The following SIK3 variants were observed in gnomAD, a reference collection of about 807,000 sequenced individuals.
The protein encoded by SIK3 is serine/threonine-protein kinase SIK3.
In SIK3, 28 loss-of-function variants were observed where a neutral mutation model predicts 144.2. The observed-to-expected ratio is 0.19, with a 90% confidence interval of 0.14 to 0.27. SIK3 has a LOEUF of 0.27. Ranked by LOEUF, SIK3 falls within the 10% of genes least tolerant of loss-of-function variation. The probability of loss-of-function intolerance (pLI) is 1.00; values close to 1 mark genes in which losing one functional copy is unlikely to be tolerated. For synonymous variants in SIK3, 686 were observed against 676.3 expected (o/e 1.01, Z -0.22); for missense variants, 1,319 against 1,776.0 (o/e 0.74, Z 4.62).
chr11:117,052,844 T>G (rs1044684433), intron 1 of SIK3, among the ~76,000 whole-genome samples: 3 of 152,200 alleles, frequency 2.0e-5, no homozygotes, highest in African/African-American at 7.2e-5. Flanking sequence ...TCTAATGCCG[T>G]AGTTTCAGAA....
At chr11:116,917,648 A>G (rs1322925588) in intron 4 of SIK3, among the ~76,000 whole-genome samples, 2 of 151,932 alleles carry the variant, frequency 1.3e-5, no homozygotes, top group Non-Finnish European at 2.9e-5. Context: ...GTTCAAGGTT[A>G]CAGTGAGCTA....
At position 116,981,345 on chromosome 11, in the gene SIK3, T is replaced by C. The variant is rs901626573; in HGVS notation, c.274-24281A>G. Among the ~76,000 whole-genome samples, 12 of 152,322 alleles carry C rather than the reference T, an allele frequency of 7.9e-5. No homozygotes were observed. In the Middle Eastern group the frequency reaches 0.014, roughly 173 times the overall value. The stretch of plus-strand genomic sequence containing the variant: ...CACTGGCCTGAGACCTCAGTTCCTT[T>C]CCACATGGATCTCTCCATGGGCTTC... On this transcript the variant is annotated intron_variant, in intron 1 of 24. Transcript: ENST00000445177.
At chr11:116,967,773 GTTT>G (rs1949613575) in intron 1 of SIK3, among the ~76,000 whole-genome samples, 1 of 152,182 alleles carries the variant, frequency 6.6e-6, no homozygotes, top group East Asian at 1.9e-4. Flanking sequence ...TTGTCTGGAT[GTTT>G]ATGATACCAG....
rs766272034 is a variant in SIK3 at position 116,867,129 on chromosome 11, C to T, written c.1952+817G>A. ...TTTCAACCTTCCCAAGGCTGCTTTT[C>T]AGTGTCCTCCCCAAAAGACAGAAAT... On this transcript the variant is annotated intron_variant, in intron 15 of 24. Transcript: ENST00000445177. The surrounding 1 kb of genome is among the most constrained non-coding windows in gnomAD (Gnocchi z 4.1). Among the ~76,000 whole-genome samples, 35 of 152,206 alleles carry T rather than the reference C, an allele frequency of 2.3e-4. No individual in the cohort carries two copies. Among genetic ancestry groups the T allele is most frequent in the Non-Finnish European group, 4.7e-4 (32 of 68,040 alleles).
chr11:116,986,471 T>A (rs1401380625), intron 1 of SIK3, among the ~76,000 whole-genome samples: 1 of 152,180 alleles, frequency 6.6e-6, no homozygotes, highest in Non-Finnish European at 1.5e-5. Context: ...ATTGCAAACA[T>A]CTGTCACTTT....
At chr11:116,947,165 T>TAATATATAATATAC (rs1565486909) in intron 3 of SIK3, among the ~76,000 whole-genome samples, 3 of 138,676 alleles carry the variant, frequency 2.2e-5, no homozygotes, top group African/African-American at 5.4e-5. Context: ...ATATTATATA[T>TAATATATAATATAC]AAATTATTAT....
At chr11:116,934,032 AG>A (rs1473863480) in intron 3 of SIK3, among the ~76,000 whole-genome samples, 1 of 152,210 alleles carries the variant, frequency 6.6e-6, no homozygotes, top group Non-Finnish European at 1.5e-5. Context: ...ACCTTCTCAG[AG>A]AGGTCTTTCC....
At chr11:116,866,331 G>C (rs986724331) in intron 15 of SIK3, among the ~76,000 whole-genome samples, 4 of 151,734 alleles carry the variant, frequency 2.6e-5, no homozygotes, top group African/African-American at 9.7e-5. Context: ...AAGGAGAAAA[G>C]AAGGAATAAA....
At chr11:116,990,022 A>G (rs1299667432) in intron 1 of SIK3, among the ~76,000 whole-genome samples, 1 of 152,170 alleles carries the variant, frequency 6.6e-6, no homozygotes, top group Non-Finnish European at 1.5e-5. Context: ...ACAGTGGCAA[A>G]AGACCTTTTC....
chr11:117,061,229 C>A (rs903040308), intron 1 of SIK3, among the ~76,000 whole-genome samples: 5 of 151,846 alleles, frequency 3.3e-5, no homozygotes, highest in African/African-American at 1.2e-4. Flanking sequence ...GGCAACAGAG[C>A]AAGACCCCAT....
At chr11:116,916,595 T>C (rs59136974) in intron 4 of SIK3, among the ~76,000 whole-genome samples, 8 of 151,356 alleles carry the variant, frequency 5.3e-5, no homozygotes, top group Non-Finnish European at 1.2e-4. Context: ...ACTGCAAGCT[T>C]TGCCTCCCGG....
intron 1 of SIK3, among the ~76,000 whole-genome samples, chr11:117,094,741 T>A (rs1167980216): frequency 1.3e-5 from 2 of 151,130 alleles, no homozygotes; most frequent in Non-Finnish European, 2.9e-5. Flanking sequence ...CATTCTTTTT[T>A]AAAAATATCT....
intron 9 of SIK3, 56 bp from the exon 10 acceptor site, chr11:116,875,507 G>A: frequency 1.3e-6 from 2 of 1,555,760 alleles, no homozygotes; most frequent in Non-Finnish European, 1.8e-6. Flanking sequence ...GAGAAATAAT[G>A]AGTCTTTCCA....
chr11:117,055,513 T>G (rs954761805), intron 1 of SIK3, among the ~76,000 whole-genome samples: 2 of 152,090 alleles, frequency 1.3e-5, no homozygotes, highest in Non-Finnish European at 2.9e-5. Context: ...TCTCTCTGGT[T>G]TGGATGAGGG....
intron 1 of SIK3, among the ~76,000 whole-genome samples, chr11:117,056,007 C>T (rs567365189): frequency 6.6e-6 from 1 of 152,276 alleles, no homozygotes; most frequent in South Asian, 2.1e-4. Flanking sequence ...AGGTATTCTC[C>T]TATAGCAGCA....
rs2134296139 is a variant in SIK3 at position 116,849,424 on chromosome 11, T to C, written c.3656-141A>G. Reference sequence around the variant, plus strand: ...ACCAACCGCTGATCCTCAGCCGGCGTCATGGCTTAGAGGAGCCTGGACCAG... The same window carrying C: ...ACCAACCGCTGATCCTCAGCCGGCGCCATGGCTTAGAGGAGCCTGGACCAG... On this transcript the variant is annotated intron_variant, in intron 21 of 24. Transcript: ENST00000445177. This position sits in a 1 kb window ranked among gnomAD's most constrained non-coding sequence, Gnocchi z 4.2. 9.4e-7 allele frequency: 1 copy of C among 1,067,190 alleles called. No homozygotes were observed. Among genetic ancestry groups the C allele is most frequent in the Non-Finnish European group, 1.3e-6 (1 of 743,332 alleles). The allele number at this position is 1,067,190 out of a possible 1,614,324, so 66.1% of individuals were successfully genotyped here.
intron 4 of SIK3, among the ~76,000 whole-genome samples, chr11:116,898,949 T>A (rs1353089448): frequency 7.0e-6 from 1 of 143,546 alleles, no homozygotes; most frequent in Non-Finnish European, 1.5e-5. Context: ...GTAGTTTCTT[T>A]TGCTGTGCAG....
intron 1 of SIK3, among the ~76,000 whole-genome samples, chr11:117,035,632 G>A (rs1409011645): frequency 6.6e-6 from 1 of 152,180 alleles, no homozygotes; most frequent in Non-Finnish European, 1.5e-5. Context: ...ATAGCTCACT[G>A]TAACCTTGAG....
chr11:116,984,607 T>C (rs574160018), intron 1 of SIK3, among the ~76,000 whole-genome samples: 6 of 152,314 alleles, frequency 3.9e-5, no homozygotes, highest in Non-Finnish European at 7.4e-5. Context: ...TGTACTGATT[T>C]GGATTTGCTA....
Sources: gnomAD v4.1 joint callset for allele counts (sites outside exome capture counted in the v4.1 genomes callset) on GRCh38, gnomAD v4.1.1 for gene constraint, Gnocchi (gnomAD v3.1) non-coding constraint, MANE v1.5 for transcripts, NCBI Gene and HGNC (gene_info 2026-07-23, HGNC 2026-07-21) for gene names.